Variants in DMD observed in about 807,000 individuals in gnomAD.
DMD encodes the protein mutant dystrophin.
Under a neutral mutation model 330.1 loss-of-function variants are expected in DMD, and 63 were observed. The observed-to-expected ratio is 0.19, with a 90% CI of 0.16 to 0.24. The LOEUF is 0.24. Among genes scored for constraint, DMD ranks in the 10% least tolerant of loss-of-function variants. DMD has a pLI of 1.00. For missense variants in DMD, 3,344 were observed against 2,684.1 expected (o/e 1.25, Z -5.43); for synonymous variants, 1,223 against 959.8 (o/e 1.27, Z -5.07).
At chrX:31,784,679 A>G (rs1480097990) in intron 50 of DMD, among the ~76,000 whole-genome samples, 2 of 110,788 alleles carry the variant, frequency 1.8e-5, no homozygotes, top group Non-Finnish European at 3.8e-5. Flanking sequence ...GCAGTATGAT[A>G]CTCTCTTCTG....
intron 1 of DMD, among the ~76,000 whole-genome samples, chrX:33,030,327 G>T (rs1330178777): frequency 9.0e-6 from 1 of 111,287 alleles, no homozygotes; most frequent in Non-Finnish European, 1.9e-5. Flanking sequence ...AAGTCTTCTC[G>T]ATTTGAAAGA....
intron 2 of DMD, among the ~76,000 whole-genome samples, chrX:32,996,448 G>C (rs182914416): frequency 8.1e-5 from 9 of 111,590 alleles, no homozygotes; most frequent in Admixed American, 2.9e-4. Flanking sequence ...CATGAAGAAG[G>C]ATATTAAAGT....
chrX:31,464,700 G>A (rs1042537321), intron 59 of DMD, among the ~76,000 whole-genome samples: 1 of 112,580 alleles, frequency 8.9e-6, no homozygotes, highest in African/African-American at 3.2e-5. Context: ...GAGCTGACAA[G>A]TGAATTAGTA....
intron 1 of DMD, among the ~76,000 whole-genome samples, chrX:33,222,345 C>A (rs1254733867): frequency 8.9e-6 from 1 of 111,988 alleles, no homozygotes. Context: ...ACTGATATAT[C>A]TAATCTTGAA....
rs905317911 is a variant in DMD at position 32,674,263 on chromosome X, A to G, written c.960+23607T>C. ...GGACATCAAATTTTTTCACTTAGTC[A>G]TAGTCCACTGGATGGATCATAAAGA... On this transcript the variant is annotated intron_variant, in intron 9 of 78. Coordinates refer to ENST00000357033, the MANE Select transcript of DMD (RefSeq NM_004006.3). 2.3e-4 allele frequency among the ~76,000 whole-genome samples: 26 copies of G among 111,744 alleles called. No homozygotes were observed. The East Asian group carries it at 2.8e-3, about 12-fold the overall frequency.
At chrX:32,984,004 T>G (rs2092779415) in intron 2 of DMD, among the ~76,000 whole-genome samples, 1 of 111,866 alleles carries the variant, frequency 8.9e-6, no homozygotes, top group Non-Finnish European at 1.9e-5. Context: ...TCTTTTCTGT[T>G]TAAAGCTATG....
intron 4 of DMD, among the ~76,000 whole-genome samples, chrX:32,838,823 G>A (rs1348968262): frequency 8.9e-6 from 1 of 111,982 alleles, no homozygotes; most frequent in Non-Finnish European, 1.9e-5. Flanking sequence ...TTACACTGTT[G>A]GTGGGAATGT....
chrX:33,256,256 A>G (rs2052855047), intron 1 of DMD, among the ~76,000 whole-genome samples: 1 of 111,148 alleles, frequency 9.0e-6, no homozygotes, highest in Non-Finnish European at 1.9e-5. Flanking sequence ...AGTTTCAAAT[A>G]TTAGCAAATA....
At chrX:32,637,143 C>A (rs1668417798) in intron 11 of DMD, among the ~76,000 whole-genome samples, 1 of 111,602 alleles carries the variant, frequency 9.0e-6, no homozygotes, top group Non-Finnish European at 1.9e-5. Context: ...ATGAATATAT[C>A]ACGTTTGGAA....
At chrX:31,493,427 T>C (rs1047683480) in intron 57 of DMD, among the ~76,000 whole-genome samples, 6 of 112,386 alleles carry the variant, frequency 5.3e-5, no homozygotes. Context: ...CGAGCCAAGA[T>C]GTAAAGGATT....
intron 54 of DMD, among the ~76,000 whole-genome samples, chrX:31,635,175 A>C (rs2079343260): frequency 8.9e-6 from 1 of 111,857 alleles, no homozygotes; most frequent in Non-Finnish European, 1.9e-5. Context: ...TTACACACTT[A>C]AAATTGGTGT....
At chrX:32,284,295 C>A (rs1481528589) in intron 43 of DMD, among the ~76,000 whole-genome samples, 1 of 111,776 alleles carries the variant, frequency 8.9e-6, no homozygotes, top group African/African-American at 3.3e-5. Context: ...AAGATAGCTT[C>A]ATTCCATTCC....
At chrX:31,250,912 T>A (rs2049285509) in intron 63 of DMD, among the ~76,000 whole-genome samples, 1 of 110,070 alleles carries the variant, frequency 9.1e-6, no homozygotes, top group African/African-American at 3.3e-5. Context: ...TGAAACCCCG[T>A]CTCTACTAAA....
At chrX:32,341,428 G>A (rs370876641) in intron 41 of DMD, among the ~76,000 whole-genome samples, 1 of 111,980 alleles carries the variant, frequency 8.9e-6, no homozygotes, top group African/African-American at 3.2e-5. Context: ...TTTTTAAAGA[G>A]AGAACCATAC....
In DMD at chrX:32,398,263, A is replaced by C. The variant is rs1347119310; in HGVS notation, c.4234-8082T>G. Among the ~76,000 whole-genome samples, 248 of 92,210 alleles carry C rather than the reference A, an allele frequency of 2.7e-3. 1 individual carries two copies. Among genetic ancestry groups the C allele is most frequent in the African/African-American group, 8.2e-3 (223 of 27,036 alleles). 80.1% of individuals were successfully genotyped at this position (92,210 alleles called of 115,157 possible). A position where few individuals can be genotyped will look rare whatever the true frequency, so the allele number is the denominator to read the frequency against. On this transcript the variant is annotated intron_variant, in intron 30 of 78. Transcript: ENST00000357033. The stretch of plus-strand genomic sequence containing the variant: ...CAGCTTTGTACTACTCTTTTTTTAA[A>C]CCCCCCCCCCCAAGTAGAGTTACTT...
intron 37 of DMD, among the ~76,000 whole-genome samples, chrX:32,349,607 A>C (rs1279136389): frequency 9.0e-6 from 1 of 111,516 alleles, no homozygotes; most frequent in East Asian, 2.9e-4. Context: ...ACTTCTGGTG[A>C]ACAATACGGA....
intron 1 of DMD, among the ~76,000 whole-genome samples, chrX:33,053,289 T>C (rs1371660713): frequency 2.7e-5 from 3 of 111,668 alleles, no homozygotes; most frequent in African/African-American, 6.5e-5. Flanking sequence ...AGTGGTTTGA[T>C]GTATGTTAAA....
chrX:32,947,609 T>C (rs1019593756), intron 2 of DMD, among the ~76,000 whole-genome samples: 2 of 112,361 alleles, frequency 1.8e-5, no homozygotes, highest in African/African-American at 6.5e-5. Context: ...AATTTAGCCA[T>C]AAAGCTGTTC....
intron 51 of DMD, among the ~76,000 whole-genome samples, chrX:31,766,486 G>A (rs1341464662): frequency 8.9e-6 from 1 of 111,914 alleles, no homozygotes; most frequent in Non-Finnish European, 1.9e-5. Flanking sequence ...TCAAACTCCT[G>A]ACCTCAGGTG....
Sources: gnomAD v4.1 joint callset for allele counts (sites outside exome capture counted in the v4.1 genomes callset) on GRCh38, gnomAD v4.1.1 for gene constraint, MANE v1.5 for transcripts, NCBI Gene and HGNC (gene_info 2026-07-23, HGNC 2026-07-21) for gene names.